Variants in EPHA6 observed in about 807,000 individuals in gnomAD.
The protein encoded by EPHA6 is ephrin type-A receptor 6.
EPHA6 carries 50 observed loss-of-function variants against 112.0 expected under a neutral mutation model. The observed-to-expected ratio is 0.45, with a 90% CI of 0.36 to 0.56. The LOEUF (loss-of-function observed/expected upper bound fraction) is 0.56, where lower values mean the gene tolerates loss of function less well. EPHA6 is among the 20% of genes least tolerant of loss of function. EPHA6 has a pLI of 0.00. For synonymous variants in EPHA6, 529 were observed against 490.7 expected (o/e 1.08, Z -1.03); for missense variants, 1,280 against 1,417.4 (o/e 0.90, Z 1.56).
chr3:97,346,141 C>T (rs1169814444), intron 5 of EPHA6, among the ~76,000 whole-genome samples: 1 of 151,908 alleles, frequency 6.6e-6, no homozygotes, highest in Non-Finnish European at 1.5e-5. Context: ...TTGCATAATC[C>T]AGTTCATCAA....
chr3:97,158,381 C>T (rs1486811791), intron 3 of EPHA6, among the ~76,000 whole-genome samples: 2 of 152,154 alleles, frequency 1.3e-5, no homozygotes, highest in Non-Finnish European at 1.5e-5. Flanking sequence ...TTACAACTAC[C>T]TTCTTCTACT....
intron 11 of EPHA6, chr3:97,572,838 A>G (rs2093347666): frequency 6.6e-6 from 1 of 152,156 alleles, no homozygotes; most frequent in South Asian, 2.1e-4. Flanking sequence ...GCTAATTGTT[A>G]TAATTTTTTC....
At chr3:97,135,257 T>G (rs11920887) in intron 3 of EPHA6, among the ~76,000 whole-genome samples, 2,709 of 152,250 alleles carry the variant, frequency 0.018, 89 homozygotes, top group African/African-American at 0.056. Flanking sequence ...AGTTACAAGC[T>G]GCGTGAACTT....
intron 3 of EPHA6, among the ~76,000 whole-genome samples, chr3:97,219,733 G>T (rs1259154930): frequency 2.0e-5 from 3 of 152,128 alleles, no homozygotes; most frequent in Non-Finnish European, 2.9e-5. Context: ...CATTGTCTTG[G>T]CAATTAACAT....
intron 6 of EPHA6, among the ~76,000 whole-genome samples, chr3:97,409,167 T>A (rs1201266858): frequency 6.6e-6 from 1 of 152,078 alleles, no homozygotes; most frequent in South Asian, 2.1e-4. Context: ...TACCTGTTCA[T>A]AAGAAAGACC....
chr3:97,158,616 A>G (rs2076342307), intron 3 of EPHA6, among the ~76,000 whole-genome samples: 1 of 152,070 alleles, frequency 6.6e-6, no homozygotes, highest in Non-Finnish European at 1.5e-5. Context: ...GAAGTACACA[A>G]TTTTCATGTA....
intron 9 of EPHA6, chr3:97,481,179 A>T: frequency 1.0e-6 from 1 of 995,198 alleles, no homozygotes; most frequent in South Asian, 1.3e-5. Flanking sequence ...ACTCCAGCCG[A>T]ACAATTTCCT....
rs181414893 is a variant in EPHA6 at position 97,008,749 on chromosome 3, T to C, written c.1114+20756T>C. ...TGATTCTCATCTATGTGAATTTGTG[T>C]AGTTTCGGCCTTTGAGGCTGCTGAC... On this transcript the variant is annotated intron_variant, in intron 3 of 17. Coordinates refer to ENST00000389672, the MANE Select transcript of EPHA6 (RefSeq NM_001080448.3). Among the ~76,000 whole-genome samples, 182 of 152,250 alleles carry C rather than the reference T, an allele frequency of 1.2e-3. 1 individual carries two copies. Among genetic ancestry groups the C allele is most frequent in the African/African-American group, 4.2e-3 (173 of 41,552 alleles).
At chr3:97,682,094 C>T (rs1373522117) in intron 14 of EPHA6, among the ~76,000 whole-genome samples, 1 of 151,904 alleles carries the variant, frequency 6.6e-6, no homozygotes, top group African/African-American at 2.4e-5. Context: ...CTAAAAGCAG[C>T]CAAATTGTTC....
intron 14 of EPHA6, among the ~76,000 whole-genome samples, chr3:97,665,383 G>A (rs907895072): frequency 9.2e-5 from 14 of 152,106 alleles, no homozygotes; most frequent in Non-Finnish European, 1.8e-4. Context: ...GAAAACCTAG[G>A]CAATACCATT....
chr3:97,358,790 T>A (rs2084215493), intron 5 of EPHA6, among the ~76,000 whole-genome samples: 1 of 152,152 alleles, frequency 6.6e-6, no homozygotes, highest in East Asian at 1.9e-4. Context: ...GAATATTTAA[T>A]TTCTCCCTTA....
At chr3:96,895,188 G>C (rs995254171) in intron 2 of EPHA6, among the ~76,000 whole-genome samples, 1 of 152,038 alleles carries the variant, frequency 6.6e-6, no homozygotes, top group Non-Finnish European at 1.5e-5. Flanking sequence ...ACAGGATAAG[G>C]AGGTGGAAGA....
At chr3:97,329,794 T>C (rs1392000734) in intron 5 of EPHA6, among the ~76,000 whole-genome samples, 1 of 152,160 alleles carries the variant, frequency 6.6e-6, no homozygotes, top group Non-Finnish European at 1.5e-5. Flanking sequence ...GGTGGTTTCT[T>C]TTGCTGTGCA....
chr3:96,935,620 A>C (rs934533092), intron 2 of EPHA6, among the ~76,000 whole-genome samples: 3 of 148,942 alleles, frequency 2.0e-5, no homozygotes, highest in Non-Finnish European at 4.5e-5. Context: ...TTCATTTTAT[A>C]TAAAGGTTTC....
intron 5 of EPHA6, among the ~76,000 whole-genome samples, chr3:97,363,444 AT>A (rs999871110): frequency 1.3e-5 from 2 of 151,324 alleles, no homozygotes; most frequent in Non-Finnish European, 3.0e-5. Flanking sequence ...TTATAAAAGA[AT>A]TGGGTAGGTT....
chr3:97,637,590 C>T (rs540808841), intron 13 of EPHA6, among the ~76,000 whole-genome samples: 3 of 152,216 alleles, frequency 2.0e-5, no homozygotes, highest in African/African-American at 7.2e-5. Context: ...TTAGTTCTCT[C>T]CTATTACCTA....
At chr3:97,274,577 G>A (rs1270316329) in intron 5 of EPHA6, among the ~76,000 whole-genome samples, 1 of 152,184 alleles carries the variant, frequency 6.6e-6, no homozygotes, top group Non-Finnish European at 1.5e-5. Flanking sequence ...TTTTGCAAGA[G>A]TGAGGGCTTG....
rs76720999 is a variant in EPHA6, at chr3:97,119,314, T to C, written c.1115-106950T>C. ...TTTACCAGGATCTAATGGATATTTCTCTAGGTGCGTGTTGCCTACAAAATT... is the reference window on the plus strand; with the variant it reads ...TTTACCAGGATCTAATGGATATTTCCCTAGGTGCGTGTTGCCTACAAAATT... On this transcript the variant is annotated intron_variant, in intron 3 of 17. Coordinates refer to ENST00000389672, the MANE Select transcript of EPHA6 (RefSeq NM_001080448.3). 5.0e-3 allele frequency among the ~76,000 whole-genome samples: 765 copies of C among 152,154 alleles called. 3 individuals are homozygous for C. The highest frequency in any genetic ancestry group is 0.017 in the African/African-American group (710 of 41,546).
intron 4 of EPHA6, among the ~76,000 whole-genome samples, chr3:97,233,727 G>A (rs2078601100): frequency 6.6e-6 from 1 of 151,950 alleles, no homozygotes; most frequent in Non-Finnish European, 1.5e-5. Flanking sequence ...AACCTTCTAG[G>A]GATTTAAAAG....
Sources: allele counts gnomAD v4.1 joint callset (sites outside exome capture counted in the v4.1 genomes callset), GRCh38; gene constraint gnomAD v4.1.1; transcripts MANE v1.5; gene names NCBI Gene and HGNC (gene_info 2026-07-23, HGNC 2026-07-21).